Variants in ATP11A observed in about 807,000 individuals in gnomAD.
ATP11A encodes phospholipid-transporting ATPase IH.
A neutral mutation model predicts 154.4 loss-of-function variants in ATP11A; 81 were observed. The observed-to-expected ratio is 0.52, with a 90% confidence interval of 0.44 to 0.63. The LOEUF (loss-of-function observed/expected upper bound fraction) is 0.63. ATP11A is among the 30% of genes least tolerant of loss of function. ATP11A has a pLI of 0.00. For synonymous variants in ATP11A, 623 were observed against 585.9 expected (o/e 1.06, Z -0.91); for missense variants, 1,316 against 1,474.3 (o/e 0.89, Z 1.76).
At chr13:112,731,736 T>C (rs939346585) in intron 1 of ATP11A, among the ~76,000 whole-genome samples, 3 of 152,128 alleles carry the variant, frequency 2.0e-5, no homozygotes, top group Admixed American at 6.5e-5. Context: ...TCACATCTTA[T>C]CCTGTGAGAC....
At position 112,819,959 on chromosome 13, in the gene ATP11A, C is replaced by G; in HGVS notation, c.725+9C>G. 6.3e-7 allele frequency: 1 copy of G among 1,587,402 alleles called. No homozygotes were observed. The highest frequency in any genetic ancestry group is 2.3e-5 in the East Asian group (1 of 43,486). On this transcript the variant is annotated intron_variant, in intron 8 of 29. Transcript: ENST00000375645. ...AATGACCCCGTGGTGAGGTGAGTGCCTCTGCGGATGCCTTGGCCACGGTCA... is the reference window on the plus strand; with the variant it reads ...AATGACCCCGTGGTGAGGTGAGTGCGTCTGCGGATGCCTTGGCCACGGTCA...
In ATP11A at chr13:112,875,211, A is replaced by G. The variant is rs1466654127; in HGVS notation, c.3162-565A>G. ...GCCCTATCTCTGTGTCTCTGCCACCATCCGTAGTGCCTGGGATGTGAAAGG... is the reference window on the plus strand; with the variant it reads ...GCCCTATCTCTGTGTCTCTGCCACCGTCCGTAGTGCCTGGGATGTGAAAGG... On this transcript the variant is annotated intron_variant, in intron 27 of 29. Coordinates refer to ENST00000375645, the MANE Select transcript of ATP11A (RefSeq NM_015205.3). The surrounding 1 kb of genome is among the most constrained non-coding windows in gnomAD (Gnocchi z 4.1). Among the ~76,000 whole-genome samples, 1 of 152,120 alleles carries G rather than the reference A, an allele frequency of 6.6e-6. No homozygotes were observed. The highest frequency in any genetic ancestry group is 1.5e-5 in the Non-Finnish European group (1 of 68,024).
In ATP11A at chr13:112,885,059, G is replaced by A. The variant is rs752295810; in HGVS notation, c.*3193G>A. ...TGCATGCACACAAACGTGTACACAA[G>A]TGTGAGCTCCTACACGCATACACAC... On this transcript the variant is annotated 3_prime_UTR_variant, in exon 30 of 30. Transcript: ENST00000375645. The A allele has an allele frequency of 2.6e-5, 4 of 151,638 alleles. No individual in the cohort carries two copies. Among genetic ancestry groups the A allele is most frequent in the Middle Eastern group, 3.2e-3 (1 of 310 alleles). The allele number at this position is 151,638 out of a possible 1,614,324, so 9.4% of individuals were successfully genotyped here.
intron 4 of ATP11A, among the ~76,000 whole-genome samples, chr13:112,810,323 A>G (rs2078453531): frequency 6.6e-6 from 1 of 152,244 alleles, no homozygotes; most frequent in Non-Finnish European, 1.5e-5. Flanking sequence ...CATGTCATGA[A>G]TAGGCACAAA....
In ATP11A at chr13:112,856,018, T is replaced by C. The variant is rs1169189836; in HGVS notation, c.2351T>C (p.Phe784Ser). The C allele has an allele frequency of 6.2e-7, 1 of 1,614,100 alleles. No individual in the cohort carries two copies. The highest frequency in any genetic ancestry group is 8.5e-7 in the Non-Finnish European group (1 of 1,180,050). The change falls in exon 20 of 30, where the codon TTC becomes TCC. Residue 784 changes from phenylalanine (F) to serine (S), a missense_variant. Transcript: ENST00000375645. ...DGSSGNYREL[F>S]LEICRSCSAV... Reference sequence around the variant, plus strand: ...AGTTCCGGCAACTACAGGGAGCTCTTCCTGGAAATCTGCCGGAGCTGCAGC... The same window carrying C: ...AGTTCCGGCAACTACAGGGAGCTCTCCCTGGAAATCTGCCGGAGCTGCAGC...
intron 2 of ATP11A, among the ~76,000 whole-genome samples, chr13:112,787,252 G>A (rs568564739): frequency 5.8e-5 from 7 of 120,860 alleles, no homozygotes; most frequent in South Asian, 5.3e-4. Flanking sequence ...AATTCACACC[G>A]GGTGTCCTGA....
At chr13:112,756,507 T>TA (rs1394027293) in intron 1 of ATP11A, among the ~76,000 whole-genome samples, 2 of 152,110 alleles carry the variant, frequency 1.3e-5, no homozygotes, top group Non-Finnish European at 2.9e-5. Flanking sequence ...GCTCTCTTGG[T>TA]AACAGGGTCC....
At chr13:112,868,799 A>G (rs1268158566) in intron 25 of ATP11A, among the ~76,000 whole-genome samples, 6 of 152,184 alleles carry the variant, frequency 3.9e-5, no homozygotes, top group Non-Finnish European at 8.8e-5. Flanking sequence ...AAGAGGTTTA[A>G]TCGAGCCACA....
At chr13:112,747,365 C>T (rs1892282793) in intron 1 of ATP11A, 1 of 152,248 alleles carries the variant, frequency 6.6e-6, no homozygotes, top group African/African-American at 2.4e-5. Flanking sequence ...ACTGCAGCCT[C>T]CCGGAGCTTG....
chr13:112,803,355 C>T (rs2078188559), intron 2 of ATP11A, among the ~76,000 whole-genome samples: 1 of 152,114 alleles, frequency 6.6e-6, no homozygotes, highest in African/African-American at 2.4e-5. Flanking sequence ...TAAAGAAATT[C>T]TTGGTATGAG....
chr13:112,755,146 C>T (rs1167440425), intron 1 of ATP11A, among the ~76,000 whole-genome samples: 2 of 152,204 alleles, frequency 1.3e-5, no homozygotes, highest in African/African-American at 4.8e-5. Flanking sequence ...CAAACAGTTA[C>T]TTTTCTTTTG....
chr13:112,729,851 A>G (rs1890306217), intron 1 of ATP11A, among the ~76,000 whole-genome samples: 1 of 152,252 alleles, frequency 6.6e-6, no homozygotes. Flanking sequence ...GTTGTCAGTG[A>G]TTAATCTGAT....
chr13:112,699,584 G>C lies in ATP11A; in HGVS notation c.39+9129G>C, dbSNP rs558156966. On this transcript the variant is annotated intron_variant, in intron 1 of 29. Transcript: ENST00000375645. ...TAGTGTGTGTGCTTTATGTGCAAAC[G>C]TTTTAACAAAGACAGGTTGCTGCGG... Among the ~76,000 whole-genome samples the C allele has an allele frequency of 1.0e-3, 155 of 152,332 alleles. No individual in the cohort carries two copies. In the East Asian group the frequency reaches 0.012, roughly 12 times the overall value.
chr13:112,843,448 C>G (rs1383674828), intron 17 of ATP11A, among the ~76,000 whole-genome samples: 2 of 152,156 alleles, frequency 1.3e-5, no homozygotes, highest in African/African-American at 4.8e-5. Context: ...CAGGGCAGCA[C>G]CTCCTCTCAC....
At chr13:112,820,053 T>A in intron 8 of ATP11A, 103 bp downstream of exon 8, 1 of 1,196,948 alleles carries the variant, frequency 8.4e-7, no homozygotes, top group East Asian at 2.8e-5. Flanking sequence ...CTCTGGTAGA[T>A]TTGGAAGGTG....
intron 1 of ATP11A, among the ~76,000 whole-genome samples, chr13:112,760,419 G>C: frequency 6.6e-6 from 1 of 152,204 alleles, no homozygotes; most frequent in East Asian, 1.9e-4. Context: ...TATGGAAGAA[G>C]AGTTCCTGGT....
Position 112,875,347 on chromosome 13 carries a change from G to A in ATP11A, c.3162-429G>A, listed in dbSNP as rs1265310912. ...GCCAGCCTCCCTCATGGAGGCTGAC[G>A]CAGACGTCTTTGAATCATCCTCTTT... On this transcript the variant is annotated intron_variant, in intron 27 of 29. Coordinates refer to ENST00000375645, the MANE Select transcript of ATP11A (RefSeq NM_015205.3). This position sits in a 1 kb window ranked among gnomAD's most constrained non-coding sequence, Gnocchi z 4.1. 5.3e-5 allele frequency among the ~76,000 whole-genome samples: 8 copies of A among 152,288 alleles called. No individual in the cohort carries two copies. Among genetic ancestry groups the A allele is most frequent in the East Asian group, 1.9e-4 (1 of 5,180 alleles).
intron 27 of ATP11A, 44 bp downstream of exon 27, chr13:112,873,720 GGTT>G (rs764310114): frequency 8.3e-6 from 13 of 1,557,774 alleles, no homozygotes; most frequent in African/African-American, 5.4e-5. Flanking sequence ...AATATCATGT[GGTT>G]GTTATTTTTT....
intron 26 of ATP11A, 123 bp from the exon 27 acceptor site, chr13:112,873,450 G>C (rs550589467): frequency 3.0e-6 from 2 of 664,474 alleles, no homozygotes; most frequent in African/African-American, 3.7e-5. Flanking sequence ...GCATTGAGTC[G>C]TCATTGCTGG....
Sources: allele counts gnomAD v4.1 joint callset (sites outside exome capture counted in the v4.1 genomes callset), GRCh38; gene constraint gnomAD v4.1.1; non-coding constraint Gnocchi (gnomAD v3.1); transcripts MANE v1.5; gene names NCBI Gene and HGNC (gene_info 2026-07-23, HGNC 2026-07-21).